Variants in ZBTB7B observed in about 807,000 individuals in gnomAD.
ZBTB7B encodes zinc finger and BTB domain-containing protein 7B.
A neutral mutation model predicts 31.0 loss-of-function variants in ZBTB7B; 8 were observed. That is an observed-to-expected ratio of 0.26 (90% CI 0.15 to 0.47). ZBTB7B has a LOEUF of 0.47. ZBTB7B is among the 20% of genes least tolerant of loss of function. The probability of loss-of-function intolerance (pLI) is 0.99; values close to 1 mark genes in which losing one functional copy is unlikely to be tolerated. For synonymous variants in ZBTB7B, 261 were observed against 307.3 expected, an observed-to-expected ratio of 0.85 and a Z score of 1.58; for missense variants, 494 against 742.4, an observed-to-expected ratio of 0.67 and a Z score of 3.89.
chr1:155,010,926 C>T (rs1658924906), intron 1 of ZBTB7B: 1 of 1,535,848 alleles, frequency 6.5e-7, no homozygotes, highest in Non-Finnish European at 8.7e-7. Context: ...GAAGATGTTA[C>T]AGCCTGGTCC....
In ZBTB7B at chr1:155,004,806, A is replaced by T. The variant is rs146782547; in HGVS notation, c.-7+1863A>T. Among the ~76,000 whole-genome samples the T allele has an allele frequency of 2.4e-4, 37 of 151,498 alleles. No homozygotes were observed. Among genetic ancestry groups the T allele is most frequent in the Non-Finnish European group, 4.7e-4 (32 of 67,832 alleles). Reference sequence around the variant, plus strand: ...TACATGGTTGCTGTGGGCACAACACAACCTGCTGGCACCCCCAGACACTGT... The same window carrying T: ...TACATGGTTGCTGTGGGCACAACACTACCTGCTGGCACCCCCAGACACTGT... On this transcript the variant is annotated intron_variant, in intron 1 of 2. Coordinates refer to ENST00000535420, the MANE Select transcript of ZBTB7B (RefSeq NM_001256455.2). The surrounding 1 kb of genome is among the most constrained non-coding windows in gnomAD (Gnocchi z 4.0).
In ZBTB7B at chr1:155,003,497, G is replaced by A. The variant is rs942397858; in HGVS notation, c.-7+554G>A. ...TTCGGTTTCTTGCGCTTCCAGAGCC[G>A]CGCTCTCTCCAGCGGTAGTGGGGCT... On this transcript the variant is annotated intron_variant, in intron 1 of 2. Transcript: ENST00000535420. This position sits in a 1 kb window ranked among gnomAD's most constrained non-coding sequence, Gnocchi z 5.8. Among the ~76,000 whole-genome samples the A allele has an allele frequency of 1.3e-5, 2 of 152,262 alleles. No individual in the cohort carries two copies. Among genetic ancestry groups the A allele is most frequent in the African/African-American group, 2.4e-5 (1 of 41,562 alleles).
In ZBTB7B at chr1:155,016,395, C is replaced by A; in HGVS notation, c.1330C>A (p.His444Asn). The part of the protein sequence containing the change: ...LCHKAFAKED[H>N]LQRHLKGQNC... ...CCACAAGGCTTTCGCCAAGGAGGAC[C>A]ACCTGCAGCGCCACCTCAAAGGCCA... Residue 444 changes from histidine (H) to asparagine (N), a missense_variant, in exon 3 of 3, where the codon CAC becomes AAC. This residue lies in a region of ZBTB7B where 61 missense variants were observed against 170.0 expected (regional missense o/e 0.36). Transcript: ENST00000535420. This position sits in a 1 kb window ranked among gnomAD's most constrained non-coding sequence, Gnocchi z 4.3. 1 of 1,614,138 alleles carries A rather than the reference C, an allele frequency of 6.2e-7. No individual in the cohort carries two copies. The highest frequency in any genetic ancestry group is 8.5e-7 in the Non-Finnish European group (1 of 1,180,004).
rs1659299195 is a variant in ZBTB7B at position 155,015,439 on chromosome 1, C to T, written c.779C>T (p.Thr260Ile). The change falls in exon 2 of 3, where the codon ACT becomes ATT. Residue 260 changes from threonine to isoleucine, a missense_variant. Physicochemically the swap from Thr to Ile is moderately conservative, Grantham distance 89. Coordinates refer to ENST00000535420, the MANE Select transcript of ZBTB7B (RefSeq NM_001256455.2). ...PGDSYSPPTG[T>I]ASPPEGPQSY... ...GACAGCTACAGCCCTCCCACAGGAA[C>T]TGCCTCCCCTCCTGAGGGTCCCCAG... 6.3e-7 allele frequency: 1 copy of T among 1,576,242 alleles called. No individual in the cohort carries two copies. The highest frequency in any genetic ancestry group is 1.2e-5 in the South Asian group (1 of 85,876).
chr1:155,016,718 G>A lies in ZBTB7B; in HGVS notation c.*33G>A, dbSNP rs770047425. On this transcript the variant is annotated 3_prime_UTR_variant, in exon 3 of 3. Coordinates refer to ENST00000535420, the MANE Select transcript of ZBTB7B (RefSeq NM_001256455.2). This position sits in a 1 kb window ranked among gnomAD's most constrained non-coding sequence, Gnocchi z 4.3. ...CGAGGGCCAGACTGAAGCAGCACAA[G>A]GCCGGGGACACCCATGCCAAGCAGT... is the stretch of plus-strand genomic sequence containing the variant. 68 of 1,272,682 alleles carry A rather than the reference G, an allele frequency of 5.3e-5. No individual in the cohort carries two copies. The highest frequency in any genetic ancestry group is 6.6e-5 in the Non-Finnish European group (61 of 926,902). 78.8% of individuals were successfully genotyped at this position (1,272,682 alleles called of 1,614,324 possible).
chr1:155,002,526 G>A (rs1376827664), upstream of ZBTB7B: 3 of 129,954 alleles, frequency 2.3e-5, no homozygotes, highest in Non-Finnish European at 4.9e-5. Context: ...TCCTTATTGG[G>A]CGGAGGGAGG....
rs145420198 is a variant in ZBTB7B at position 155,016,075 on chromosome 1, T to G, written c.1155-145T>G. On this transcript the variant is annotated intron_variant, in intron 2 of 2. Coordinates refer to ENST00000535420, the MANE Select transcript of ZBTB7B (RefSeq NM_001256455.2). This position sits in a 1 kb window ranked among gnomAD's most constrained non-coding sequence, Gnocchi z 4.3. ...TGACAAGGCCTAGTTAAGCTAGAGG[T>G]GAGCTAGCAGGGTATCTCCTGGGGC... 6.2e-4 allele frequency: 584 copies of G among 941,634 alleles called. 4 individuals carry two copies. The East Asian group carries it at 0.015, about 25-fold the overall frequency. 58.3% of individuals were successfully genotyped at this position (941,634 alleles called of 1,614,324 possible).
At position 155,016,282 on chromosome 1, in the gene ZBTB7B, A is replaced by G; in HGVS notation, c.1217A>G (p.His406Arg). Residue 406 changes from histidine (H) to arginine (R), a missense_variant, in exon 3 of 3, where the codon CAC becomes CGC. His to Arg is a conservative substitution (Grantham distance 29). Transcript: ENST00000535420. The surrounding 1 kb of genome is among the most constrained non-coding windows in gnomAD (Gnocchi z 4.3). ...GGAGAGCGCCCCTACTCATGCCCGC[A>G]CTGCCCAGCCCGCTTCCTGCACAGC... ...HTGERPYSCPHCPARFLHSYD... is the reference protein window; with the variant it reads ...HTGERPYSCPRCPARFLHSYD... 6.2e-7 allele frequency: 1 copy of G among 1,614,002 alleles called. No homozygotes were observed. The highest frequency in any genetic ancestry group is 1.1e-5 in the South Asian group (1 of 91,078).
Position 155,017,359 on chromosome 1 carries a change from AG to A in ZBTB7B, c.*678del, listed in dbSNP as rs925665568. 2 of 152,222 alleles carry A rather than the reference AG, an allele frequency of 1.3e-5. No homozygotes were observed. Among genetic ancestry groups the A allele is most frequent in the African/African-American group, 2.4e-5 (1 of 41,266 alleles). 9.4% of individuals were successfully genotyped at this position (152,222 alleles called of 1,614,324 possible). On this transcript the variant is annotated 3_prime_UTR_variant, in exon 3 of 3. Transcript: ENST00000535420. ...GCTCGCCTGCCCCTGGGGGCAGTAGAGGGGCCCCGCCCAGCTAGGGGAGCCG... is the reference window on the plus strand; with the variant it reads ...GCTCGCCTGCCCCTGGGGGCAGTAGAGGGCCCCGCCCAGCTAGGGGAGCCG...
chr1:155,006,621 C>G (rs1219430624), intron 1 of ZBTB7B, among the ~76,000 whole-genome samples: 3 of 152,218 alleles, frequency 2.0e-5, no homozygotes, highest in African/African-American at 7.2e-5. Flanking sequence ...CCCAGGCCAA[C>G]AGAATGACAT....
chr1:155,003,588 TC>T lies in ZBTB7B; in HGVS notation c.-7+647del, dbSNP rs1373739411. Reference sequence around the variant, plus strand: ...TCCCTGCCCCTCAATCCCACTCCCTTCCTTCAGGCTCCAGTCCCGCCGCTAC... The same window carrying T: ...TCCCTGCCCCTCAATCCCACTCCCTTCTTCAGGCTCCAGTCCCGCCGCTAC... On this transcript the variant is annotated intron_variant, in intron 1 of 2. Transcript: ENST00000535420. The surrounding 1 kb of genome is among the most constrained non-coding windows in gnomAD (Gnocchi z 5.8). Among the ~76,000 whole-genome samples the T allele has an allele frequency of 6.6e-6, 1 of 152,074 alleles. No homozygotes were observed. Among genetic ancestry groups the T allele is most frequent in the Non-Finnish European group, 1.5e-5 (1 of 67,986 alleles).
Position 155,014,779 on chromosome 1 carries a change from C to T in ZBTB7B, c.119C>T (p.Thr40Met), listed in dbSNP as rs1659234855. The T allele has an allele frequency of 6.2e-7, 1 of 1,614,248 alleles. No homozygotes were observed. The highest frequency in any genetic ancestry group is 8.5e-7 in the Non-Finnish European group (1 of 1,180,044). ...LGHLCDLTIR[T>M]QGLEYRTHRA... ...CACCTATGTGACCTCACCATCCGGA[C>T]GCAGGGCCTTGAATACCGCACCCAC... The change falls in exon 2 of 3, where the codon ACG becomes ATG. Residue 40 changes from threonine to methionine, a missense_variant. Around this residue, in one of 5 missense-constraint regions of ZBTB7B, gnomAD observed 26 missense variants for 80.4 expected, o/e 0.32. Transcript: ENST00000535420.
Position 155,004,012 on chromosome 1 carries a change from A to G in ZBTB7B, c.-7+1069A>G, listed in dbSNP as rs1405848771. ...GGGTCCCCTGCCCCCCGCCCCGCAC[A>G]ACCCCCACGTATCAAAGGGCGGCTG... On this transcript the variant is annotated intron_variant, in intron 1 of 2. Coordinates refer to ENST00000535420, the MANE Select transcript of ZBTB7B (RefSeq NM_001256455.2). The surrounding 1 kb of genome is among the most constrained non-coding windows in gnomAD (Gnocchi z 4.0). Among the ~76,000 whole-genome samples, 1 of 152,046 alleles carries G rather than the reference A, an allele frequency of 6.6e-6. No individual in the cohort carries two copies. The highest frequency in any genetic ancestry group is 2.4e-5 in the African/African-American group (1 of 41,394).
rs958380621 is a variant in ZBTB7B at position 155,017,487 on chromosome 1, C to G, written c.*802C>G. 1 of 152,692 alleles carries G rather than the reference C, an allele frequency of 6.5e-6. No homozygotes were observed. Among genetic ancestry groups the G allele is most frequent in the African/African-American group, 2.4e-5 (1 of 41,462 alleles). 9.5% of individuals were successfully genotyped at this position (152,692 alleles called of 1,614,324 possible). ...CCCGGGGCCAGAGGGCAGGGCGGGCCGGGCGGCGTCCTACCCTCTTCTCCT... is the reference window on the plus strand; with the variant it reads ...CCCGGGGCCAGAGGGCAGGGCGGGCGGGGCGGCGTCCTACCCTCTTCTCCT... On this transcript the variant is annotated 3_prime_UTR_variant, in exon 3 of 3. Coordinates refer to ENST00000535420, the MANE Select transcript of ZBTB7B (RefSeq NM_001256455.2).
chr1:155,012,811 CAAA>C (rs776363349), intron 1 of ZBTB7B, among the ~76,000 whole-genome samples: 1 of 122,968 alleles, frequency 8.1e-6, no homozygotes, highest in Non-Finnish European at 1.8e-5. Flanking sequence ...CCCCCCCACC[CAAA>C]AAAAAAAAAA....
intron 1 of ZBTB7B, among the ~76,000 whole-genome samples, chr1:155,006,803 T>G (rs922969166): frequency 1.3e-5 from 2 of 152,054 alleles, no homozygotes; most frequent in Non-Finnish European, 2.9e-5. Flanking sequence ...CCTTCCTCCT[T>G]TCCTCCCCCT....
intron 1 of ZBTB7B, among the ~76,000 whole-genome samples, chr1:155,005,888 G>A (rs566245856): frequency 1.3e-5 from 2 of 152,288 alleles, no homozygotes; most frequent in East Asian, 1.9e-4. Context: ...GCGGCCAGGC[G>A]CCAAGGCGGG....
At position 155,016,904 on chromosome 1, in the gene ZBTB7B, T is replaced by G; in HGVS notation, c.*219T>G. The G allele has an allele frequency of 2.0e-6, 1 of 500,056 alleles. No homozygotes were observed. The highest frequency in any genetic ancestry group is 3.5e-6 in the Non-Finnish European group (1 of 281,860). 31.0% of individuals were successfully genotyped at this position (500,056 alleles called of 1,614,324 possible). ...GTGATCCCCCAAGGAGTGATACATA[T>G]ATTGTGTATATATTTACAGCTGTAT... On this transcript the variant is annotated 3_prime_UTR_variant, in exon 3 of 3. Transcript: ENST00000535420. This position sits in a 1 kb window ranked among gnomAD's most constrained non-coding sequence, Gnocchi z 4.3.
At chr1:155,008,380 G>T (rs902674557) in intron 1 of ZBTB7B, among the ~76,000 whole-genome samples, 2 of 152,182 alleles carry the variant, frequency 1.3e-5, no homozygotes, top group Non-Finnish European at 2.9e-5. Flanking sequence ...GGGAGAATTC[G>T]GCCAGCTCCC....
Sources: allele counts gnomAD v4.1 joint callset (sites outside exome capture counted in the v4.1 genomes callset), GRCh38; gene constraint gnomAD v4.1.1; regional missense constraint gnomAD v4.1.1; non-coding constraint Gnocchi (gnomAD v3.1); transcripts MANE v1.5; gene names NCBI Gene and HGNC (gene_info 2026-07-23, HGNC 2026-07-21).